Variants in LEPROT observed in about 807,000 individuals in gnomAD.
LEPROT encodes leptin receptor overlapping transcript.
A neutral mutation model predicts 15.4 loss-of-function variants in LEPROT; 3 were observed. The observed-to-expected ratio is 0.19, with a 90% CI of 0.09 to 0.50. The LOEUF is 0.50. Among genes scored for constraint, LEPROT ranks in the 20% least tolerant of loss-of-function variants. The pLI is 0.97. For synonymous variants in LEPROT, 59 were observed against 57.5 expected (o/e 1.03, Z -0.12); for missense variants, 137 against 162.2 (o/e 0.84, Z 0.84).
intron 3 of LEPROT, among the ~76,000 whole-genome samples, chr1:65,431,161 T>C (rs1437075793): frequency 1.3e-5 from 2 of 152,236 alleles, no homozygotes; most frequent in African/African-American, 4.8e-5. Context: ...ATTTTTCTTG[T>C]GCTTTAGACC....
At position 65,420,681 on chromosome 1, in the gene LEPROT, C is replaced by T. The variant is rs757467646; in HGVS notation, c.-44C>T. 1.9e-6 allele frequency: 3 copies of T among 1,566,182 alleles called. No homozygotes were observed. The highest frequency in any genetic ancestry group is 2.4e-5 in the East Asian group (1 of 42,372). ...TCTGGCTTGGGCAGGCTGCCCGGGCCGTGGCAGGAAGCCGGAAGCAGCCGC... is the reference window on the plus strand; with the variant it reads ...TCTGGCTTGGGCAGGCTGCCCGGGCTGTGGCAGGAAGCCGGAAGCAGCCGC... On this transcript the variant is annotated 5_prime_UTR_variant, in exon 1 of 4. Transcript: ENST00000371065.
Position 65,433,170 on chromosome 1 carries a change from C to G in LEPROT, c.*1251C>G, listed in dbSNP as rs1646511672. 1.0e-5 allele frequency: 10 copies of G among 985,372 alleles called. No individual in the cohort carries two copies. Among genetic ancestry groups the G allele is most frequent in the African/African-American group, 1.7e-5 (1 of 57,236 alleles). The allele number at this position is 985,372 out of a possible 1,614,324, so 61.0% of individuals were successfully genotyped here. A position where few individuals can be genotyped will look rare whatever the true frequency, so the allele number is the denominator to read the frequency against. Reference sequence around the variant, plus strand: ...TCTCCCCAGCTCCTTCCCTCTGCCCCCCACCCCTACTCCTCAACAGTTCTG... The same window carrying G: ...TCTCCCCAGCTCCTTCCCTCTGCCCGCCACCCCTACTCCTCAACAGTTCTG... On this transcript the variant is annotated 3_prime_UTR_variant, in exon 4 of 4. Transcript: ENST00000371065.
chr1:65,434,089 G>A lies in LEPROT; in HGVS notation c.*2170G>A, dbSNP rs574671275. The A allele has an allele frequency of 1.4e-5, 14 of 985,014 alleles. No homozygotes were observed. The South Asian group carries it at 6.1e-4, about 43-fold the overall frequency. 61.0% of individuals were successfully genotyped at this position (985,014 alleles called of 1,614,324 possible). A position where few individuals can be genotyped will look rare whatever the true frequency, so the allele number is the denominator to read the frequency against. The stretch of plus-strand genomic sequence containing the variant: ...GGTAGCCTTCATATGTAGCCTTAAA[G>A]CATTACCTCTTGATTGTATCTTTAG... On this transcript the variant is annotated 3_prime_UTR_variant, in exon 4 of 4. Coordinates refer to ENST00000371065, the MANE Select transcript of LEPROT (RefSeq NM_017526.5).
chr1:65,421,432 G>A lies in LEPROT; in HGVS notation c.16+692G>A. On this transcript the variant is annotated intron_variant, in intron 1 of 3. Transcript: ENST00000371065. ...CTTCAGAGCAATGCGAGACGGAAAAGGTTTTTTGCAAGGCTTCCTGTATTT... is the reference window on the plus strand; with the variant it reads ...CTTCAGAGCAATGCGAGACGGAAAAAGTTTTTTGCAAGGCTTCCTGTATTT... 1 of 1,536,022 alleles carries A rather than the reference G, an allele frequency of 6.5e-7. No individual in the cohort carries two copies. Among genetic ancestry groups the A allele is most frequent in the Non-Finnish European group, 8.7e-7 (1 of 1,146,864 alleles).
chr1:65,424,607 A>G (rs181521419), intron 1 of LEPROT, among the ~76,000 whole-genome samples: 1 of 152,340 alleles, frequency 6.6e-6, no homozygotes, highest in East Asian at 1.9e-4. Flanking sequence ...TATAAGAAAT[A>G]TATTTTAGAC....
At chr1:65,427,793 C>CA (rs1378747042) in intron 2 of LEPROT, 1 of 415,074 alleles carries the variant, frequency 2.4e-6, no homozygotes, top group East Asian at 7.5e-5. Context: ...GATGCCACAA[C>CA]ACCCAGCTGA....
chr1:65,421,353 T>C (rs889669588), intron 1 of LEPROT: 94 of 1,535,948 alleles, frequency 6.1e-5, no homozygotes, highest in Non-Finnish European at 7.8e-5. Context: ...GTGTGTAGTA[T>C]GTGTTTTTTG....
intron 2 of LEPROT, among the ~76,000 whole-genome samples, chr1:65,426,170 G>A (rs1557581474): frequency 2.0e-5 from 3 of 152,126 alleles, no homozygotes; most frequent in Admixed American, 6.5e-5. Flanking sequence ...CAGCAAGCAG[G>A]CCATACAGAT....
At position 65,431,667 on chromosome 1, in the gene LEPROT, C is replaced by T. The variant is rs1053947252; in HGVS notation, c.280-136C>T. 5.0e-6 allele frequency: 4 copies of T among 799,332 alleles called. No homozygotes were observed. In the African/African-American group the frequency reaches 6.9e-5, roughly 14 times the overall value. 49.5% of individuals were successfully genotyped at this position (799,332 alleles called of 1,614,324 possible). ...CTCATTACTGAACAGTTCATTGTCT[C>T]CTGTTACATTATTAAGCCTTTTAGC... On this transcript the variant is annotated intron_variant, in intron 3 of 3. Transcript: ENST00000371065.
chr1:65,426,475 C>T (rs114261656), intron 2 of LEPROT, among the ~76,000 whole-genome samples: 7 of 151,832 alleles, frequency 4.6e-5, no homozygotes, highest in African/African-American at 9.7e-5. Flanking sequence ...CTTGCCATAA[C>T]GTGAGACTAG....
Position 65,429,964 on chromosome 1 carries a change from C to G in LEPROT, c.195C>G (p.Ala65=), listed in dbSNP as rs766227049. The change falls in exon 3 of 4, where the codon GCC becomes GCG. Residue 65 remains alanine, a synonymous_variant. Transcript: ENST00000371065. ...ATGACTCAGATGCAACCAGTAGTGC[C>G]TGTCGGGAACTGGCATATTTCTTCA... The part of the protein sequence containing the change: ...VTYDSDATSS[A]CRELAYFFTT... The G allele has an allele frequency of 6.3e-7, 1 of 1,578,524 alleles. No homozygotes were observed. The highest frequency in any genetic ancestry group is 8.7e-7 in the Non-Finnish European group (1 of 1,153,068).
chr1:65,428,792 A>G (rs1646428699), intron 2 of LEPROT, among the ~76,000 whole-genome samples: 3 of 152,208 alleles, frequency 2.0e-5, no homozygotes, highest in Admixed American at 1.3e-4. Flanking sequence ...TTATTTTTGA[A>G]GTACTGATAG....
chr1:65,427,217 C>T (rs556566996), intron 2 of LEPROT, among the ~76,000 whole-genome samples: 9 of 152,262 alleles, frequency 5.9e-5, no homozygotes, highest in African/African-American at 2.2e-4. Context: ...GTATTATTAT[C>T]CTCATTTCTC....
intron 2 of LEPROT, among the ~76,000 whole-genome samples, chr1:65,427,582 A>C (rs2101691673): frequency 6.6e-6 from 1 of 152,262 alleles, no homozygotes; most frequent in African/African-American, 2.4e-5. Flanking sequence ...TAGAAAAAAA[A>C]TTAAAATGGC....
chr1:65,429,920 A>G lies in LEPROT; in HGVS notation c.151A>G (p.Ile51Val). 6.5e-7 allele frequency: 1 copy of G among 1,547,686 alleles called. No homozygotes were observed. ...FHAISPIPHF[I>V]AKRVTYDSDA... is the part of the protein sequence containing the mutation. ...CGCCATCTCCCCCATCCCCCATTTC[A>G]TTGCCAAAAGAGTCACCTATGACTC... The change falls in exon 3 of 4, where the codon ATT becomes GTT. Residue 51 changes from isoleucine to valine, a missense_variant. Coordinates refer to ENST00000371065, the MANE Select transcript of LEPROT (RefSeq NM_017526.5).
Position 65,435,524 on chromosome 1 carries a change from C to T in LEPROT, c.*3605C>T, listed in dbSNP as rs941267776. 1.0e-5 allele frequency: 4 copies of T among 395,992 alleles called. No homozygotes were observed. Among genetic ancestry groups the T allele is most frequent in the Admixed American group, 6.4e-5 (1 of 15,520 alleles). 24.5% of individuals were successfully genotyped at this position (395,992 alleles called of 1,614,324 possible). ...CTGGGACTACAGGCTCCCGCCACCA[C>T]GCCTGGCTAATTTTTTTGTATTTTT... On this transcript the variant is annotated 3_prime_UTR_variant, in exon 4 of 4. Transcript: ENST00000371065.
In LEPROT at chr1:65,435,588, C is replaced by T. The variant is rs1314169028; in HGVS notation, c.*3669C>T. On this transcript the variant is annotated 3_prime_UTR_variant, in exon 4 of 4. Transcript: ENST00000371065. ...TTCATCGTGTTAGCCAGGATGGTCT[C>T]GATCTCCTGACCTCATGATCCGCCC... The T allele has an allele frequency of 1.2e-5, 7 of 594,870 alleles. No homozygotes were observed. The highest frequency in any genetic ancestry group is 7.3e-5 in the South Asian group (1 of 13,716). 36.8% of individuals were successfully genotyped at this position (594,870 alleles called of 1,614,324 possible). A position where few individuals can be genotyped will look rare whatever the true frequency, so the allele number is the denominator to read the frequency against.
rs780318871 is a variant in LEPROT, at chr1:65,433,216, G to A, written c.*1297G>A. The stretch of plus-strand genomic sequence containing the variant: ...TTCTGGTTTGCCCTGACTTCTCTAC[G>A]GCTCTGGCTTCTTCCCGAAGAGATA... On this transcript the variant is annotated 3_prime_UTR_variant, in exon 4 of 4. Transcript: ENST00000371065. The A allele has an allele frequency of 7.3e-5, 72 of 984,252 alleles. No homozygotes were observed. Among genetic ancestry groups the A allele is most frequent in the Non-Finnish European group, 8.4e-5 (70 of 829,842 alleles). 61.0% of individuals were successfully genotyped at this position (984,252 alleles called of 1,614,324 possible).
rs955752657 is a variant in LEPROT, at chr1:65,420,759, C to A, written c.16+19C>A. On this transcript the variant is annotated intron_variant, in intron 1 of 3. Transcript: ENST00000371065. ...GTTAAAGGTACATCGCGGTCCCCGG[C>A]TCGCTTGTCGTGTGGTGGGGTTGCC... is the stretch of plus-strand genomic sequence containing the variant. The A allele has an allele frequency of 6.3e-7, 1 of 1,577,208 alleles. No homozygotes were observed. The highest frequency in any genetic ancestry group is 8.6e-7 in the Non-Finnish European group (1 of 1,163,250).
Sources: allele counts gnomAD v4.1 joint callset (sites outside exome capture counted in the v4.1 genomes callset), GRCh38; gene constraint gnomAD v4.1.1; transcripts MANE v1.5; gene names NCBI Gene and HGNC (gene_info 2026-07-23, HGNC 2026-07-21).